The following F13A1 variants were observed in gnomAD, a reference collection of about 807,000 sequenced individuals.
The protein encoded by F13A1 is coagulation factor XIII A chain.
F13A1 carries 47 observed loss-of-function variants against 80.1 expected under a neutral mutation model. That is an observed-to-expected ratio of 0.59 (90% CI 0.46 to 0.75). The LOEUF is 0.75. F13A1 is among the 30% of genes least tolerant of loss of function. The probability of loss-of-function intolerance (pLI) is 0.00; values close to 1 mark genes in which losing one functional copy is unlikely to be tolerated. For missense variants in F13A1, 817 were observed against 930.4 expected (o/e 0.88, Z 1.59); for synonymous variants, 349 against 344.9 (o/e 1.01, Z -0.13).
At position 6,248,497 on chromosome 6, in the gene F13A1, A is replaced by T. The variant is rs186310954; in HGVS notation, c.691-78T>A. On this transcript the variant is annotated intron_variant, in intron 5 of 14. Transcript: ENST00000264870. Reference sequence around the variant, plus strand: ...ATATTCTCTGATGAAAAATAACATGAAACCACAACCTAATGTTTAGAAATG... The same window carrying T: ...ATATTCTCTGATGAAAAATAACATGTAACCACAACCTAATGTTTAGAAATG... 17 of 1,088,256 alleles carry T rather than the reference A, an allele frequency of 1.6e-5. No homozygotes were observed. The East Asian group carries it at 4.3e-4, about 27-fold the overall frequency. 67.4% of individuals were successfully genotyped at this position (1,088,256 alleles called of 1,614,324 possible).
At chr6:6,317,687 A>G (rs1758704193) in intron 2 of F13A1, among the ~76,000 whole-genome samples, 1 of 152,168 alleles carries the variant, frequency 6.6e-6, no homozygotes, top group African/African-American at 2.4e-5. Flanking sequence ...CAGCATGACC[A>G]TGCTCACCTA....
At chr6:6,185,845 A>G (rs1024869755) in intron 10 of F13A1, among the ~76,000 whole-genome samples, 3 of 152,174 alleles carry the variant, frequency 2.0e-5, no homozygotes, top group Non-Finnish European at 2.9e-5. Context: ...TCAACAGTGT[A>G]AAAGTGTTCC....
rs574724800 is a variant in F13A1 at position 6,181,030 on chromosome 6, G to A, written c.1459+958C>T. Reference sequence around the variant, plus strand: ...GCATGTTCCCCATCAGGACACTCACGGTCCTCCAGTTCTGGCCACTGCTGG... The same window carrying A: ...GCATGTTCCCCATCAGGACACTCACAGTCCTCCAGTTCTGGCCACTGCTGG... On this transcript the variant is annotated intron_variant, in intron 11 of 14. Transcript: ENST00000264870. Among the ~76,000 whole-genome samples the A allele has an allele frequency of 9.2e-5, 14 of 152,182 alleles. No homozygotes were observed. The East Asian group carries it at 1.9e-3, about 21-fold the overall frequency.
At chr6:6,305,081 T>C (rs934529361) in intron 3 of F13A1, 1 of 497,564 alleles carries the variant, frequency 2.0e-6, no homozygotes, top group Non-Finnish European at 3.7e-6. Context: ...AAACCATTTG[T>C]TTGAGGAAGA....
chr6:6,166,373 C>A (rs577176166), intron 13 of F13A1, among the ~76,000 whole-genome samples: 3 of 152,182 alleles, frequency 2.0e-5, no homozygotes, highest in African/African-American at 7.2e-5. Context: ...AAAGGATTCA[C>A]GAGAAGCAAG....
At chr6:6,264,277 GA>G (rs2113120836) in intron 4 of F13A1, among the ~76,000 whole-genome samples, 1 of 152,282 alleles carries the variant, frequency 6.6e-6, no homozygotes, top group South Asian at 2.1e-4. Context: ...ATATAATCCA[GA>G]AAAGTTGCAA....
At chr6:6,225,656 T>G (rs537989406) in intron 6 of F13A1, among the ~76,000 whole-genome samples, 11 of 152,040 alleles carry the variant, frequency 7.2e-5, no homozygotes, top group Non-Finnish European at 7.4e-5. Flanking sequence ...TACAGGTGTA[T>G]GCTCGGCTAA....
chr6:6,196,993 A>G (rs540478263), intron 9 of F13A1, among the ~76,000 whole-genome samples: 1 of 152,222 alleles, frequency 6.6e-6, no homozygotes, highest in Non-Finnish European at 1.5e-5. Context: ...GATGAATTAT[A>G]CGTTGTTTTA....
intron 6 of F13A1, among the ~76,000 whole-genome samples, chr6:6,245,375 A>C (rs1440977417): frequency 6.6e-6 from 1 of 152,004 alleles, no homozygotes; most frequent in Non-Finnish European, 1.5e-5. Context: ...GGCATGCATC[A>C]CCATGCCTGG....
intron 13 of F13A1, among the ~76,000 whole-genome samples, chr6:6,157,933 C>A (rs1008039810): frequency 6.6e-6 from 1 of 152,114 alleles, no homozygotes; most frequent in African/African-American, 2.4e-5. Context: ...CTGTAGCTGT[C>A]CTGAAGAGAG....
chr6:6,294,470 C>A (rs1758284671), intron 3 of F13A1, among the ~76,000 whole-genome samples: 1 of 151,824 alleles, frequency 6.6e-6, no homozygotes, highest in African/African-American at 2.4e-5. Context: ...ACCTTGTGAC[C>A]ATATAAATTA....
At chr6:6,221,297 C>T (rs1168350019) in intron 8 of F13A1, among the ~76,000 whole-genome samples, 2 of 152,188 alleles carry the variant, frequency 1.3e-5, no homozygotes, top group African/African-American at 4.8e-5. Flanking sequence ...CTCTAGCCAG[C>T]TTGTAACAAA....
intron 12 of F13A1, among the ~76,000 whole-genome samples, chr6:6,172,748 C>T (rs1339279847): frequency 2.0e-5 from 3 of 152,122 alleles, no homozygotes; most frequent in Non-Finnish European, 4.4e-5. Context: ...TGCCTGGCCC[C>T]ACTATAGTGA....
Position 6,286,268 on chromosome 6 carries a change from C to T in F13A1, c.319+19083G>A, listed in dbSNP as rs575310702. Among the ~76,000 whole-genome samples, 11 of 152,310 alleles carry T rather than the reference C, an allele frequency of 7.2e-5. No individual in the cohort carries two copies. The South Asian group carries it at 2.3e-3, about 32-fold the overall frequency. On this transcript the variant is annotated intron_variant, in intron 3 of 14. Coordinates refer to ENST00000264870, the MANE Select transcript of F13A1 (RefSeq NM_000129.4). ...GTGTGTTGTGGCAAGTGCCTGTAATCCCAGCTACTGGAGAGGCTGAGGCAG... is the reference window on the plus strand; with the variant it reads ...GTGTGTTGTGGCAAGTGCCTGTAATTCCAGCTACTGGAGAGGCTGAGGCAG...
chr6:6,314,816 AATG>A (rs1758656810), intron 2 of F13A1, among the ~76,000 whole-genome samples: 1 of 152,344 alleles, frequency 6.6e-6, no homozygotes, highest in African/African-American at 2.4e-5. Flanking sequence ...CCAGGAACTG[AATG>A]AAAGGAGGAA....
intron 2 of F13A1, among the ~76,000 whole-genome samples, chr6:6,307,790 A>C (rs987154494): frequency 6.6e-6 from 1 of 152,092 alleles, no homozygotes; most frequent in African/African-American, 2.4e-5. Flanking sequence ...TCATTTTTTC[A>C]TAGGGCAAAC....
At chr6:6,292,249 A>T (rs1308622407) in intron 3 of F13A1, among the ~76,000 whole-genome samples, 2 of 151,878 alleles carry the variant, frequency 1.3e-5, no homozygotes, top group Non-Finnish European at 2.9e-5. Context: ...CATTTTCCAC[A>T]CTCGATTTTT....
At chr6:6,284,773 A>G (rs909593446) in intron 3 of F13A1, among the ~76,000 whole-genome samples, 5 of 152,190 alleles carry the variant, frequency 3.3e-5, no homozygotes, top group African/African-American at 1.2e-4. Context: ...GAGGGTACAT[A>G]CTTCGTAGCC....
At chr6:6,318,816 C>T (rs1204337370) in intron 1 of F13A1, 134 bp from the exon 2 acceptor site, 2 of 929,176 alleles carry the variant, frequency 2.2e-6, no homozygotes, top group East Asian at 5.0e-5. Context: ...TTGCCGTTTG[C>T]ATAAATAAAA....
Sources: gnomAD v4.1 joint callset for allele counts (sites outside exome capture counted in the v4.1 genomes callset) on GRCh38, gnomAD v4.1.1 for gene constraint, MANE v1.5 for transcripts, NCBI Gene and HGNC (gene_info 2026-07-23, HGNC 2026-07-21) for gene names.